CTNNA3: variants seen among roughly 807,000 people sequenced by gnomAD.
CTNNA3 encodes catenin alpha-3.
Under a neutral mutation model 95.7 loss-of-function variants are expected in CTNNA3, and 76 were observed. That is an observed-to-expected ratio of 0.79 (90% CI 0.66 to 0.96). The LOEUF is 0.96. CTNNA3 is among the 40% of genes least tolerant of loss of function. The pLI is 0.00. For missense variants in CTNNA3, 1,191 were observed against 1,089.8 expected, an observed-to-expected ratio of 1.09 and a Z score of -1.31; for synonymous variants, 431 against 374.4, an observed-to-expected ratio of 1.15 and a Z score of -1.74.
At chr10:67,065,578 C>G (rs1856025583) in intron 7 of CTNNA3, among the ~76,000 whole-genome samples, 1 of 152,008 alleles carries the variant, frequency 6.6e-6, no homozygotes, top group Non-Finnish European at 1.5e-5. Context: ...TTAGAAATGG[C>G]AATATGACTG....
intron 9 of CTNNA3, among the ~76,000 whole-genome samples, chr10:66,692,987 G>A (rs867944616): frequency 3.3e-5 from 5 of 152,072 alleles, no homozygotes; most frequent in East Asian, 1.9e-4. Context: ...AGCAACAACC[G>A]GTACCAGCCA....
At chr10:67,261,475 G>A (rs183433683) in intron 5 of CTNNA3, among the ~76,000 whole-genome samples, 28 of 152,234 alleles carry the variant, frequency 1.8e-4, no homozygotes, top group Admixed American at 1.6e-3. Context: ...GGCATTTTGC[G>A]ATGACTAACA....
At chr10:67,360,402 T>C (rs959279499) in intron 5 of CTNNA3, among the ~76,000 whole-genome samples, 3 of 119,374 alleles carry the variant, frequency 2.5e-5, no homozygotes, top group Non-Finnish European at 5.1e-5. Flanking sequence ...CTAAAAGGCA[T>C]AGAGAGCAAG....
At chr10:66,276,904 T>C (rs2091409966) in intron 13 of CTNNA3, among the ~76,000 whole-genome samples, 1 of 152,128 alleles carries the variant, frequency 6.6e-6, no homozygotes. Context: ...ATGTCTATCT[T>C]ACAAAGGATG....
chr10:66,014,209 G>A (rs940401820), intron 15 of CTNNA3, among the ~76,000 whole-genome samples: 1 of 151,982 alleles, frequency 6.6e-6, no homozygotes, highest in Non-Finnish European at 1.5e-5. Flanking sequence ...CTACAGAAAC[G>A]TGTTTTGGGT....
intron 15 of CTNNA3, among the ~76,000 whole-genome samples, chr10:66,033,402 T>C (rs541117475): frequency 4.4e-4 from 67 of 152,304 alleles, no homozygotes; most frequent in African/African-American, 1.4e-3. Flanking sequence ...CCCGAAGTGC[T>C]GGGATTACAG....
At chr10:66,062,290 T>C (rs1200952126) in intron 15 of CTNNA3, among the ~76,000 whole-genome samples, 1 of 152,142 alleles carries the variant, frequency 6.6e-6, no homozygotes, top group East Asian at 1.9e-4. Context: ...AAGCATGAGC[T>C]ATTTTTTCTT....
chr10:67,307,768 C>T (rs1208860700), intron 5 of CTNNA3, among the ~76,000 whole-genome samples: 4 of 152,086 alleles, frequency 2.6e-5, no homozygotes, highest in Non-Finnish European at 4.4e-5. Context: ...CTCAAAGTGG[C>T]CATTAGGTGA....
chr10:66,293,770 A>C (rs148805529), intron 12 of CTNNA3, among the ~76,000 whole-genome samples: 10,939 of 151,250 alleles, frequency 0.072, 511 homozygotes, highest in Admixed American at 0.12. Flanking sequence ...GGTTCAAACA[A>C]TTCTCCTGCG....
chr10:67,189,880 T>A (rs1018665903), intron 6 of CTNNA3, among the ~76,000 whole-genome samples: 1 of 152,116 alleles, frequency 6.6e-6, no homozygotes, highest in African/African-American at 2.4e-5. Flanking sequence ...TATGACGGAA[T>A]GATTAAAATT....
rs191208537 is a variant in CTNNA3 at position 67,100,160 on chromosome 10, T to C, written c.1047+80157A>G. Among the ~76,000 whole-genome samples, 217 of 151,868 alleles carry C rather than the reference T, an allele frequency of 1.4e-3. 1 individual carries two copies. The highest frequency in any genetic ancestry group is 5.1e-3 in the African/African-American group (212 of 41,516). On this transcript the variant is annotated intron_variant, in intron 7 of 17. Coordinates refer to ENST00000433211, the MANE Select transcript of CTNNA3 (RefSeq NM_013266.4). ...GAAATGTTAAGGTTCCAAGGAGTCT[T>C]ACAAGTGTATGCCCTTGATTTCCTG...
At chr10:67,497,631 G>C (rs1839069757) in intron 5 of CTNNA3, among the ~76,000 whole-genome samples, 1 of 152,114 alleles carries the variant, frequency 6.6e-6, no homozygotes, top group Admixed American at 6.5e-5. Context: ...CATTCTAACT[G>C]GCGTGAGATG....
At chr10:67,724,451 G>A (rs1284738869) in intron 1 of CTNNA3, among the ~76,000 whole-genome samples, 4 of 152,078 alleles carry the variant, frequency 2.6e-5, no homozygotes, top group Admixed American at 6.6e-5. Context: ...GAAAGCAGCC[G>A]GGTGACAGTA....
chr10:67,411,009 T>C (rs1046795113), intron 5 of CTNNA3, among the ~76,000 whole-genome samples: 4 of 152,014 alleles, frequency 2.6e-5, no homozygotes, highest in African/African-American at 7.3e-5. Context: ...GTCAAACTCA[T>C]AGAAGCAGAG....
chr10:67,687,411 C>T (rs1840754782), intron 1 of CTNNA3, among the ~76,000 whole-genome samples: 1 of 152,114 alleles, frequency 6.6e-6, no homozygotes, highest in South Asian at 2.1e-4. Context: ...TTTAAAGTGT[C>T]CTTGCAAACC....
chr10:67,742,892 G>C lies in CTNNA3; in HGVS notation c.-2+20542C>G, dbSNP rs530177480. 1.2e-4 allele frequency among the ~76,000 whole-genome samples: 18 copies of C among 151,400 alleles called. No homozygotes were observed. In the East Asian group the frequency reaches 3.5e-3, roughly 29 times the overall value. On this transcript the variant is annotated intron_variant, in intron 1 of 17. Transcript: ENST00000684154. ...TAAACACCTCTACACAAATAAACTA[G>C]AAAATCTAGAAGAAATGGATAAATT...
chr10:66,423,903 C>T (rs984208229), intron 11 of CTNNA3, among the ~76,000 whole-genome samples: 23 of 152,148 alleles, frequency 1.5e-4, no homozygotes, highest in African/African-American at 5.6e-4. Flanking sequence ...GAAAAACATC[C>T]ATGTCTGGTG....
intron 17 of CTNNA3, among the ~76,000 whole-genome samples, chr10:65,942,352 C>A (rs2077443198): frequency 6.6e-6 from 1 of 152,114 alleles, no homozygotes; most frequent in Non-Finnish European, 1.5e-5. Context: ...CATGGTGAAA[C>A]CCTGTCTCTA....
intron 7 of CTNNA3, among the ~76,000 whole-genome samples, chr10:66,946,742 T>C (rs1472460786): frequency 6.6e-6 from 1 of 152,046 alleles, no homozygotes; most frequent in Non-Finnish European, 1.5e-5. Context: ...CTCATCTCTG[T>C]CCCTCCCCAT....
Sources: allele counts gnomAD v4.1 joint callset (sites outside exome capture counted in the v4.1 genomes callset), GRCh38; gene constraint gnomAD v4.1.1; transcripts MANE v1.5; gene names NCBI Gene and HGNC (gene_info 2026-07-23, HGNC 2026-07-21).